The following KCNIP4 variants were observed in gnomAD, a reference collection of about 807,000 sequenced individuals.
The protein encoded by KCNIP4 is Kv channel-interacting protein 4.
In KCNIP4, 12 loss-of-function variants were observed where a neutral mutation model predicts 34.0. The ratio of observed to expected loss-of-function variants is 0.35; its 90% CI spans 0.23 to 0.57. KCNIP4 has a LOEUF of 0.57. Ranked by LOEUF, KCNIP4 falls within the 20% of genes least tolerant of loss-of-function variation. The pLI, the probability that KCNIP4 is intolerant of heterozygous loss-of-function variation, is 0.83. For synonymous variants in KCNIP4, 124 were observed against 102.2 expected (o/e 1.21, Z -1.29); for missense variants, 238 against 311.7 (o/e 0.76, Z 1.78).
chr4:21,775,814 G>A lies in KCNIP4; in HGVS notation c.61+172757C>T, dbSNP rs375457356. Among the ~76,000 whole-genome samples the A allele has an allele frequency of 3.1e-3, 477 of 152,320 alleles. 2 individuals carry two copies. The highest frequency in any genetic ancestry group is 0.011 in the African/African-American group (459 of 41,572). ...TTCAGCCTCCCTGGCTCCAGCAGGG[G>A]AAAAGCACAGCCTGGAGCTATGGAA... is the stretch of plus-strand genomic sequence containing the variant. On this transcript the variant is annotated intron_variant, in intron 1 of 8. Transcript: ENST00000382152.
At chr4:20,793,454 G>C (rs769994158) in intron 3 of KCNIP4, among the ~76,000 whole-genome samples, 10 of 152,096 alleles carry the variant, frequency 6.6e-5, no homozygotes, top group Non-Finnish European at 5.9e-5. Flanking sequence ...TAACAGTGAT[G>C]GATGTTTTAT....
At chr4:21,092,893 T>C (rs773930370) in intron 1 of KCNIP4, among the ~76,000 whole-genome samples, 6 of 152,192 alleles carry the variant, frequency 3.9e-5, no homozygotes, top group Admixed American at 1.3e-4. Flanking sequence ...TGGACCAACA[T>C]GATCTGAAAG....
At chr4:20,757,526 ACT>A (rs1458497325) in intron 4 of KCNIP4, among the ~76,000 whole-genome samples, 3 of 150,148 alleles carry the variant, frequency 2.0e-5, no homozygotes, top group African/African-American at 7.5e-5. Context: ...TCCATTGTAC[ACT>A]CTCTACCCTA....
intron 5 of KCNIP4, among the ~76,000 whole-genome samples, chr4:20,739,653 A>G (rs542043609): frequency 6.6e-6 from 1 of 152,330 alleles, no homozygotes; most frequent in South Asian, 2.1e-4. Context: ...CAGAGCAGAA[A>G]AGCTGAAAAG....
chr4:21,298,505 T>C (rs1763971871), intron 1 of KCNIP4, among the ~76,000 whole-genome samples: 1 of 152,098 alleles, frequency 6.6e-6, no homozygotes, highest in South Asian at 2.1e-4. Flanking sequence ...GCATCTTATG[T>C]TGAATTTCCT....
intron 1 of KCNIP4, among the ~76,000 whole-genome samples, chr4:21,003,010 A>G (rs1738270244): frequency 6.6e-6 from 1 of 152,026 alleles, no homozygotes; most frequent in South Asian, 2.1e-4. Flanking sequence ...GACTGCTCTT[A>G]TTTTTTCTAG....
intron 1 of KCNIP4, among the ~76,000 whole-genome samples, chr4:21,676,045 G>T (rs1027368287): frequency 2.0e-5 from 3 of 152,144 alleles, no homozygotes; most frequent in Non-Finnish European, 2.9e-5. Flanking sequence ...ACCATATGGA[G>T]CATAAAGAAA....
rs1728638895 is a variant in KCNIP4 at position 21,916,510 on chromosome 4, C to T, written c.61+32061G>A. On this transcript the variant is annotated intron_variant, in intron 1 of 8. Coordinates refer to ENST00000382152, the MANE Select transcript of KCNIP4 (RefSeq NM_025221.6). ...AGAAATTCTCCATGATTACATGTTT[C>T]CTTATCCCATTACAGTTTCAACAGA... Among the ~76,000 whole-genome samples the T allele has an allele frequency of 2.6e-5, 4 of 152,108 alleles. No individual in the cohort carries two copies. In the South Asian group the frequency reaches 8.3e-4, roughly 32 times the overall value.
At chr4:20,983,774 C>A (rs945511443) in intron 1 of KCNIP4, 1 of 1,501,838 alleles carries the variant, frequency 6.7e-7, no homozygotes, top group South Asian at 1.2e-5. Flanking sequence ...ACTTCTAAAC[C>A]AGACCTGCCC....
rs186759271 is a variant in KCNIP4, at chr4:21,379,809, T to G, written c.62-497100A>C. On this transcript the variant is annotated intron_variant, in intron 1 of 8. Transcript: ENST00000382152. ...TTGGCCTTCCTGTATAGAAATTTTG[T>G]AAGTGCTTTCATTTTTGCATCTTCA... Among the ~76,000 whole-genome samples, 45 of 152,330 alleles carry G rather than the reference T, an allele frequency of 3.0e-4. No homozygotes were observed. The East Asian group carries it at 8.5e-3, about 29-fold the overall frequency.
intron 1 of KCNIP4, among the ~76,000 whole-genome samples, chr4:21,862,769 C>T (rs952104433): frequency 3.3e-5 from 5 of 152,022 alleles, no homozygotes; most frequent in African/African-American, 7.2e-5. Flanking sequence ...GTCAGGAGAT[C>T]GAGACCACGG....
intron 2 of KCNIP4, among the ~76,000 whole-genome samples, chr4:20,868,525 A>C (rs182258714): frequency 6.6e-6 from 1 of 152,256 alleles, no homozygotes; most frequent in African/African-American, 2.4e-5. Flanking sequence ...TCTACCAAAA[A>C]GACACATGCA....
chr4:21,104,135 T>A (rs1748248978), intron 1 of KCNIP4, among the ~76,000 whole-genome samples: 2 of 151,932 alleles, frequency 1.3e-5, no homozygotes, highest in African/African-American at 4.8e-5. Flanking sequence ...GTATTTCTAG[T>A]TCTAGATCCC....
chr4:21,939,867 A>C (rs1291439462), intron 1 of KCNIP4, among the ~76,000 whole-genome samples: 1 of 152,206 alleles, frequency 6.6e-6, no homozygotes, highest in South Asian at 2.1e-4. Flanking sequence ...TAGATGATGT[A>C]TAATAATATC....
At position 21,619,739 on chromosome 4, in the gene KCNIP4, T is replaced by G. The variant is rs143890526; in HGVS notation, c.61+328832A>C. 7.3e-4 allele frequency among the ~76,000 whole-genome samples: 111 copies of G among 152,366 alleles called. 2 individuals are homozygous for G. The East Asian group carries it at 0.02, about 28-fold the overall frequency. On this transcript the variant is annotated intron_variant, in intron 1 of 8. Transcript: ENST00000382152. The stretch of plus-strand genomic sequence containing the variant: ...CTAAGCACCTGCTATGAACCAGGAC[T>G]TTAGCTGGTATGACGGATACTAAAA...
intron 3 of KCNIP4, among the ~76,000 whole-genome samples, chr4:20,812,934 A>AGTGTGT (rs34935781): frequency 6.7e-6 from 1 of 149,476 alleles, no homozygotes; most frequent in Non-Finnish European, 1.5e-5. Context: ...TTTGTGTGTG[A>AGTGTGT]GTGTGTGTGT....
At chr4:21,493,493 C>T (rs1008982090) in intron 1 of KCNIP4, among the ~76,000 whole-genome samples, 1 of 152,196 alleles carries the variant, frequency 6.6e-6, no homozygotes, top group Non-Finnish European at 1.5e-5. Flanking sequence ...TCTATGCTTA[C>T]ATGCATTTGT....
At chr4:21,447,123 C>T (rs1219955804) in intron 1 of KCNIP4, among the ~76,000 whole-genome samples, 3 of 152,162 alleles carry the variant, frequency 2.0e-5, no homozygotes, top group African/African-American at 7.2e-5. Flanking sequence ...AAATCTGTCT[C>T]TGACTCTCTG....
intron 2 of KCNIP4, among the ~76,000 whole-genome samples, chr4:20,876,594 G>C (rs942146684): frequency 2.6e-5 from 4 of 151,908 alleles, no homozygotes; most frequent in African/African-American, 7.3e-5. Flanking sequence ...TTCTGAGATG[G>C]AGTCTCACTC....
Sources: allele counts gnomAD v4.1 joint callset (sites outside exome capture counted in the v4.1 genomes callset), GRCh38; gene constraint gnomAD v4.1.1; transcripts MANE v1.5; gene names NCBI Gene and HGNC (gene_info 2026-07-23, HGNC 2026-07-21).